The following CACNA1S variants were observed in gnomAD, a reference collection of about 807,000 sequenced individuals.
CACNA1S encodes voltage-dependent L-type calcium channel subunit alpha-1S.
Under a neutral mutation model 207.4 loss-of-function variants are expected in CACNA1S, and 126 were observed. That is an observed-to-expected ratio of 0.61 (90% CI 0.53 to 0.70). The LOEUF (loss-of-function observed/expected upper bound fraction) is 0.70. CACNA1S is among the 30% of genes least tolerant of loss of function. The probability of loss-of-function intolerance (pLI) is 0.00; values close to 1 mark genes in which losing one functional copy is unlikely to be tolerated. For synonymous variants in CACNA1S, 960 were observed against 932.7 expected, an observed-to-expected ratio of 1.03 and a Z score of -0.53; for missense variants, 2,349 against 2,422.8, an observed-to-expected ratio of 0.97 and a Z score of 0.64.
intron 11 of CACNA1S, among the ~76,000 whole-genome samples, chr1:201,077,555 C>T (rs1234525480): frequency 1.3e-5 from 2 of 151,972 alleles, no homozygotes; most frequent in African/African-American, 4.8e-5. Flanking sequence ...TTCTTATTTC[C>T]ACCCCTTTCC....
rs763445808 is a variant in CACNA1S at position 201,069,430 on chromosome 1, G to A, written c.2490+42C>T. 7.5e-6 allele frequency: 12 copies of A among 1,604,414 alleles called. 1 individual carries two copies. The South Asian group carries it at 1.2e-4, about 17-fold the overall frequency. ...CCTGGGCACCAGACTGAGGCTGGAG[G>A]GGGCAGGGGTGCTGAGTGGCAGAGA... On this transcript the variant is annotated intron_variant, in intron 18 of 43. Coordinates refer to ENST00000362061, the MANE Select transcript of CACNA1S (RefSeq NM_000069.3).
intron 40 of CACNA1S, chr1:201,042,859 C>T: frequency 5.0e-6 from 1 of 200,762 alleles, no homozygotes. Flanking sequence ...ATTTAGTCTA[C>T]AGCCCAAGGT....
At chr1:201,052,679 A>T (rs751299865) in intron 31 of CACNA1S, 31 bp from the exon 32 acceptor site, 166 of 1,561,576 alleles carry the variant, frequency 1.1e-4, no homozygotes, top group Non-Finnish European at 1.4e-4. Flanking sequence ...TGACTGTGGA[A>T]CCTAGATTAA....
Position 201,053,399 on chromosome 1 carries a change from G to T in CACNA1S, c.3795+60C>A. ...GCTCCCCTGGGGCCCACCCTGGGCT[G>T]AGGCAGATGTCCCTAGTGGCCTCCC... On this transcript the variant is annotated intron_variant, in intron 30 of 43. Transcript: ENST00000362061. The surrounding 1 kb of genome is among the most constrained non-coding windows in gnomAD (Gnocchi z 5.1). 1.2e-6 allele frequency: 2 copies of T among 1,613,648 alleles called. No homozygotes were observed. Among genetic ancestry groups the T allele is most frequent in the Non-Finnish European group, 1.7e-6 (2 of 1,179,598 alleles).
chr1:201,112,222 G>C lies in CACNA1S; in HGVS notation c.118C>G (p.Leu40Val), dbSNP rs1663146474. 1.2e-6 allele frequency: 2 copies of C among 1,613,906 alleles called. No individual in the cohort carries two copies. Among genetic ancestry groups the C allele is most frequent in the South Asian group, 1.1e-5 (1 of 91,074 alleles). Residue 40 changes from leucine (L) to valine (V), a missense_variant, in exon 1 of 44, where the codon CTG becomes GTG. By Grantham distance (32) the Leu-to-Val change is conservative. Coordinates refer to ENST00000362061, the MANE Select transcript of CACNA1S (RefSeq NM_000069.3). ...ACAATGCTGATGCAGGCCTTCCTCA[G>C]GGGGTTCTCCAGGGTCAGGCAGAAC... ...ALFCLTLENP[L>V]RKACISIVEW...
intron 18 of CACNA1S, 125 bp downstream of exon 18, chr1:201,069,347 A>G: frequency 6.8e-7 from 1 of 1,476,662 alleles, no homozygotes; most frequent in East Asian, 2.3e-5. Flanking sequence ...CCTATCCCTG[A>G]GGAACTGAAC....
chr1:201,053,701 G>T lies in CACNA1S; in HGVS notation c.3667-114C>A. On this transcript the variant is annotated intron_variant, in intron 29 of 43. Coordinates refer to ENST00000362061, the MANE Select transcript of CACNA1S (RefSeq NM_000069.3). This position sits in a 1 kb window ranked among gnomAD's most constrained non-coding sequence, Gnocchi z 5.1. Reference sequence around the variant, plus strand: ...TTGGGGAGATGTTTGTGGCATGGAGGAACTCCAGCCCCGCCTCTGGCCCCT... The same window carrying T: ...TTGGGGAGATGTTTGTGGCATGGAGTAACTCCAGCCCCGCCTCTGGCCCCT... 2 of 1,108,380 alleles carry T rather than the reference G, an allele frequency of 1.8e-6. No individual in the cohort carries two copies. Among genetic ancestry groups the T allele is most frequent in the South Asian group, 1.5e-5 (1 of 66,180 alleles). 68.7% of individuals were successfully genotyped at this position (1,108,380 alleles called of 1,614,324 possible). A position where few individuals can be genotyped will look rare whatever the true frequency, so the allele number is the denominator to read the frequency against.
chr1:201,093,771 T>C, intron 3 of CACNA1S, 111 bp downstream of exon 3: 1 of 1,343,036 alleles, frequency 7.4e-7, no homozygotes, highest in Non-Finnish European at 1.1e-6. Context: ...ATGCAGTGGT[T>C]AGCACAATGC....
rs375500585 is a variant in CACNA1S, at chr1:201,043,536, G to C, written c.4798-5C>G. On this transcript the variant is annotated splice_polypyrimidine_tract_variant and splice_region_variant and intron_variant, in intron 39 of 43. Transcript: ENST00000362061. Reference sequence around the variant, plus strand: ...GCCAAACAGGCCTCCAGTCCTCTAGGGGCAAGGAGAAGAGCAGTGACTGGG... The same window carrying C: ...GCCAAACAGGCCTCCAGTCCTCTAGCGGCAAGGAGAAGAGCAGTGACTGGG... The C allele has an allele frequency of 6.2e-7, 1 of 1,613,980 alleles. No individual in the cohort carries two copies. Among genetic ancestry groups the C allele is most frequent in the Non-Finnish European group, 8.5e-7 (1 of 1,179,990 alleles).
At chr1:201,059,641 C>G (rs1026254885) in intron 26 of CACNA1S, among the ~76,000 whole-genome samples, 1 of 152,174 alleles carries the variant, frequency 6.6e-6, no homozygotes, top group Non-Finnish European at 1.5e-5. Context: ...GATGGCAGGT[C>G]GTCCAGGCAG....
chr1:201,078,098 G>A lies in CACNA1S; in HGVS notation c.1400C>T (p.Ala467Val). The change falls in exon 11 of 44, where the codon GCC becomes GTC. Residue 467 changes from alanine to valine, a missense_variant. Transcript: ENST00000362061. ...GAAGAGGGACAGCAGCACCCGGTTG[G>A]CAATGTCTGTAGGGTTGGTGGCACA... Reference protein sequence around the residue: ...PLWLTRLQDIANRVLLSLFTT... With the variant: ...PLWLTRLQDIVNRVLLSLFTT... The A allele has an allele frequency of 6.2e-7, 1 of 1,613,648 alleles. No individual in the cohort carries two copies. The highest frequency in any genetic ancestry group is 8.5e-7 in the Non-Finnish European group (1 of 1,179,514).
intron 10 of CACNA1S, 75 bp downstream of exon 10, chr1:201,083,087 G>A: frequency 6.6e-7 from 1 of 1,504,550 alleles, no homozygotes; most frequent in Non-Finnish European, 9.2e-7. Context: ...ACAACCTGTG[G>A]TGCCATTGGC....
rs778231104 is a variant in CACNA1S at position 201,074,509 on chromosome 1, G to A, written c.2060C>T (p.Ser687Phe). 2.5e-6 allele frequency: 4 copies of A among 1,604,328 alleles called. No homozygotes were observed. The highest frequency in any genetic ancestry group is 2.6e-6 in the Non-Finnish European group (3 of 1,171,318). ...KAEEKKRRKM[S>F]KGLPDKSEEE... The stretch of plus-strand genomic sequence containing the variant: ...TTCCTGCTAAGGAAGCACTCACTTG[G>A]ACATCTTCCTGCGTTTTTTCTCCTC... Residue 687 changes from serine (S) to phenylalanine (F), a missense_variant, in exon 14 of 44, where the codon TCC becomes TTC. Physicochemically the swap from Ser to Phe is radical, Grantham distance 155. Transcript: ENST00000362061.
intron 41 of CACNA1S, among the ~76,000 whole-genome samples, chr1:201,041,294 A>C (rs1454843025): frequency 6.6e-6 from 1 of 151,874 alleles, no homozygotes; most frequent in African/African-American, 2.4e-5. Flanking sequence ...CTTCCACCTC[A>C]CTCAGCCACC....
chr1:201,069,737 C>G (rs570495482), intron 17 of CACNA1S, 136 bp from the exon 18 acceptor site: 20 of 1,028,776 alleles, frequency 1.9e-5, no homozygotes, highest in South Asian at 1.1e-4. Context: ...CAGCCCTGCA[C>G]CTGCAGGGTC....
chr1:201,067,271 A>G (rs1252795782), intron 19 of CACNA1S, among the ~76,000 whole-genome samples: 1 of 152,160 alleles, frequency 6.6e-6, no homozygotes, highest in Non-Finnish European at 1.5e-5. Flanking sequence ...CCATGGGGCC[A>G]CAGAGTGGGG....
intron 7 of CACNA1S, 99 bp from the exon 8 acceptor site, chr1:201,085,680 G>A (rs1662015175): frequency 2.8e-6 from 4 of 1,431,822 alleles, no homozygotes; most frequent in East Asian, 2.3e-5. Context: ...TCTGTGACTG[G>A]AGCGCTCCTT....
At chr1:201,088,896 G>A (rs1318394022) in intron 6 of CACNA1S, among the ~76,000 whole-genome samples, 1 of 152,204 alleles carries the variant, frequency 6.6e-6, no homozygotes, top group East Asian at 1.9e-4. Context: ...AAGCAGTCTT[G>A]CAGAGGCAAG....
chr1:201,082,483 C>A (rs1661873422), intron 10 of CACNA1S, among the ~76,000 whole-genome samples: 1 of 152,190 alleles, frequency 6.6e-6, no homozygotes, highest in Non-Finnish European at 1.5e-5. Context: ...ACACACTGTT[C>A]CTTCTCCAGG....
Sources: gnomAD v4.1 joint callset for allele counts (sites outside exome capture counted in the v4.1 genomes callset) on GRCh38, gnomAD v4.1.1 for gene constraint, Gnocchi (gnomAD v3.1) non-coding constraint, MANE v1.5 for transcripts, NCBI Gene and HGNC (gene_info 2026-07-23, HGNC 2026-07-21) for gene names.